UBE2Z: variants seen among roughly 807,000 people sequenced by gnomAD.
UBE2Z encodes the protein ubiquitin conjugating enzyme E2 Z.
Under a neutral mutation model 32.6 loss-of-function variants are expected in UBE2Z, and 10 were observed. The observed-to-expected ratio is 0.31, with a 90% CI of 0.19 to 0.52. UBE2Z has a LOEUF of 0.52. Among genes scored for constraint, UBE2Z ranks in the 20% least tolerant of loss-of-function variants. UBE2Z has a pLI of 0.97. For synonymous variants in UBE2Z, 183 were observed against 190.8 expected (o/e 0.96, Z 0.34); for missense variants, 343 against 480.9 (o/e 0.71, Z 2.68).
chr17:48,924,126 G>T (rs1366434607), intron 6 of UBE2Z, among the ~76,000 whole-genome samples: 1 of 152,144 alleles, frequency 6.6e-6, no homozygotes, highest in African/African-American at 2.4e-5. Context: ...CAAAGTGCTG[G>T]GATTACAGGC....
chr17:48,914,381 T>C (rs2040704125), intron 3 of UBE2Z, among the ~76,000 whole-genome samples: 2 of 152,216 alleles, frequency 1.3e-5, no homozygotes, highest in Non-Finnish European at 2.9e-5. Flanking sequence ...ACATGATTCA[T>C]TTTTCTAGGA....
At chr17:48,924,736 C>A (rs2040785586) in intron 6 of UBE2Z, among the ~76,000 whole-genome samples, 2 of 145,838 alleles carry the variant, frequency 1.4e-5, no homozygotes, top group South Asian at 4.4e-4. Flanking sequence ...ATCTCAGCTA[C>A]TTGGGAAGCT....
intron 6 of UBE2Z, among the ~76,000 whole-genome samples, chr17:48,924,845 CAAAAAAAAAAAA>C (rs5820735): frequency 4.7e-5 from 4 of 85,750 alleles, no homozygotes; most frequent in African/African-American, 1.8e-4. Flanking sequence ...GATTCTGTCT[CAAAAAAAAAAAA>C]AAAAAAAAGA....
intron 6 of UBE2Z, chr17:48,923,162 A>C (rs1303436233): frequency 2.8e-6 from 1 of 357,724 alleles, no homozygotes; most frequent in Non-Finnish European, 5.3e-6. Context: ...TCTACTAAAA[A>C]TACAAAAAAT....
intron 6 of UBE2Z, among the ~76,000 whole-genome samples, chr17:48,924,015 C>T (rs2040781020): frequency 6.6e-6 from 1 of 152,180 alleles, no homozygotes; most frequent in African/African-American, 2.4e-5. Context: ...GCCATCATGC[C>T]CAGCTAATTT....
intron 4 of UBE2Z, among the ~76,000 whole-genome samples, chr17:48,916,522 A>T (rs1206520737): frequency 2.0e-5 from 3 of 148,334 alleles, no homozygotes; most frequent in Non-Finnish European, 4.5e-5. Flanking sequence ...GAGTGCTGGG[A>T]TTACAGGCGT....
At position 48,927,297 on chromosome 17, in the gene UBE2Z, G is replaced by A. The variant is rs965755149; in HGVS notation, c.*163G>A. The A allele has an allele frequency of 2.7e-5, 20 of 742,958 alleles. No homozygotes were observed. The Admixed American group carries it at 4.8e-4, about 18-fold the overall frequency. The allele number at this position is 742,958 out of a possible 1,614,324, so 46.0% of individuals were successfully genotyped here. ...CCGATCCCAGGGTGTGGGAGTGGGG[G>A]CCTGTTCCCGGTCTGACCTCCTTGG... On this transcript the variant is annotated 3_prime_UTR_variant, in exon 7 of 7. Coordinates refer to ENST00000360943, the MANE Select transcript of UBE2Z (RefSeq NM_023079.5).
intron 1 of UBE2Z, chr17:48,909,063 C>G: frequency 4.3e-6 from 1 of 233,886 alleles, no homozygotes; most frequent in South Asian, 7.6e-5. Flanking sequence ...CCTCGACAAC[C>G]TCCCGTGAGC....
chr17:48,911,869 T>A (rs2040680750), intron 2 of UBE2Z: 1 of 152,138 alleles, frequency 6.6e-6, no homozygotes, highest in South Asian at 2.1e-4. Context: ...ACTTAGGCAT[T>A]GGATTGCCAC....
At position 48,926,994 on chromosome 17, in the gene UBE2Z, G is replaced by A. The variant is rs774552235; in HGVS notation, c.925G>A (p.Asp309Asn). 1 of 1,613,334 alleles carries A rather than the reference G, an allele frequency of 6.2e-7. No homozygotes were observed. Among genetic ancestry groups the A allele is most frequent in the Non-Finnish European group, 8.5e-7 (1 of 1,179,728 alleles). ...TTTTGGAGAGAAGCGGGGCCACTTTGACTACCAGTCCCTCTTGATGCGCCT... is the reference window on the plus strand; with the variant it reads ...TTTTGGAGAGAAGCGGGGCCACTTTAACTACCAGTCCCTCTTGATGCGCCT... ...DPFGEKRGHF[D>N]YQSLLMRLGL... Residue 309 changes from aspartate (D) to asparagine (N), a missense_variant, in exon 7 of 7, where the codon GAC becomes AAC. Physicochemically the swap from Asp to Asn is conservative, Grantham distance 23. This residue lies in a region of UBE2Z where 182 missense variants were observed against 312.4 expected (regional missense o/e 0.58). Transcript: ENST00000360943.
intron 6 of UBE2Z, among the ~76,000 whole-genome samples, chr17:48,925,997 C>G (rs974105267): frequency 6.6e-6 from 1 of 152,166 alleles, no homozygotes; most frequent in Non-Finnish European, 1.5e-5. Context: ...ATTTTAAACT[C>G]TTTTTTATAC....
intron 4 of UBE2Z, among the ~76,000 whole-genome samples, chr17:48,919,891 A>G (rs2040747159): frequency 6.6e-6 from 1 of 152,162 alleles, no homozygotes. Flanking sequence ...AAGGTTTTCT[A>G]CACTGAGACT....
rs978960235 is a variant in UBE2Z, at chr17:48,908,680, G to A, written c.177G>A (p.Gly59=). ...AAAAGGAGGP[G]SGLAPLPGLP... ...CAGCGGGCGGGGCCGGGGGCCCGGG[G>A]AGCGGCCTGGCTCCGCTGCCCGGGC... The change falls in exon 1 of 7, where the codon GGG becomes GGA. Residue 59 remains glycine (G), a synonymous_variant. Coordinates refer to ENST00000360943, the MANE Select transcript of UBE2Z (RefSeq NM_023079.5). The A allele has an allele frequency of 8.9e-6, 11 of 1,229,202 alleles. No homozygotes were observed. Among genetic ancestry groups the A allele is most frequent in the African/African-American group, 1.6e-5 (1 of 63,432 alleles). The allele number at this position is 1,229,202 out of a possible 1,614,324, so 76.1% of individuals were successfully genotyped here. A position where few individuals can be genotyped will look rare whatever the true frequency, so the allele number is the denominator to read the frequency against.
At chr17:48,916,348 C>T (rs563532443) in intron 4 of UBE2Z, among the ~76,000 whole-genome samples, 161 bp downstream of exon 4, 145 of 150,122 alleles carry the variant, frequency 9.7e-4, no homozygotes, top group Non-Finnish European at 1.9e-3. Flanking sequence ...CTCCGCCTCC[C>T]GGGTTCAAGC....
chr17:48,921,336 G>T, intron 5 of UBE2Z, 64 bp downstream of exon 5: 2 of 1,267,618 alleles, frequency 1.6e-6, no homozygotes, highest in Non-Finnish European at 2.3e-6. Context: ...CATCTTTGGG[G>T]CAGAGTACAG....
Position 48,927,669 on chromosome 17 carries a change from A to G in UBE2Z, c.*535A>G, listed in dbSNP as rs879392472. The stretch of plus-strand genomic sequence containing the variant: ...CTTCCCCCATTATTTCCCACAGGCC[A>G]GCATAATTTTGTTTTTCCTAATTTA... On this transcript the variant is annotated 3_prime_UTR_variant, in exon 7 of 7. Coordinates refer to ENST00000360943, the MANE Select transcript of UBE2Z (RefSeq NM_023079.5). 3.1e-5 allele frequency: 5 copies of G among 159,306 alleles called. No individual in the cohort carries two copies. The highest frequency in any genetic ancestry group is 5.6e-5 in the Non-Finnish European group (4 of 71,612). 9.9% of individuals were successfully genotyped at this position (159,306 alleles called of 1,614,324 possible). A position where few individuals can be genotyped will look rare whatever the true frequency, so the allele number is the denominator to read the frequency against.
chr17:48,919,617 C>T (rs2040745157), intron 4 of UBE2Z, among the ~76,000 whole-genome samples: 1 of 152,170 alleles, frequency 6.6e-6, no homozygotes, highest in Admixed American at 6.5e-5. Context: ...GCTGGGACGA[C>T]AGGTGCACAC....
At chr17:48,915,482 G>A (rs181045760) in intron 3 of UBE2Z, among the ~76,000 whole-genome samples, 2 of 152,290 alleles carry the variant, frequency 1.3e-5, no homozygotes, top group African/African-American at 2.4e-5. Flanking sequence ...GGTATTTGAC[G>A]TTTTCCATAT....
At chr17:48,911,080 C>A in intron 2 of UBE2Z, 200 bp downstream of exon 2, 1 of 568,672 alleles carries the variant, frequency 1.8e-6, no homozygotes, top group Admixed American at 3.0e-5. Flanking sequence ...TTAGTGTACC[C>A]CATAGGTACT....
Sources: allele counts gnomAD v4.1 joint callset (sites outside exome capture counted in the v4.1 genomes callset), GRCh38; gene constraint gnomAD v4.1.1; regional missense constraint gnomAD v4.1.1; transcripts MANE v1.5; gene names NCBI Gene and HGNC (gene_info 2026-07-23, HGNC 2026-07-21).